TNRC18: variants seen among roughly 807,000 people sequenced by gnomAD.
The protein encoded by TNRC18 is trinucleotide repeat-containing gene 18 protein.
TNRC18 carries 69 observed loss-of-function variants against 226.7 expected under a neutral mutation model. The observed-to-expected ratio is 0.30, with a 90% CI of 0.25 to 0.37. The LOEUF (loss-of-function observed/expected upper bound fraction) is 0.37, where lower values mean the gene tolerates loss of function less well. TNRC18 is among the 10% of genes least tolerant of loss of function. TNRC18 has a pLI of 1.00. For missense variants in TNRC18, 4,754 were observed against 4,256.6 expected (o/e 1.12, Z -3.25); for synonymous variants, 2,449 against 1,927.6 (o/e 1.27, Z -7.09).
At position 5,394,899 on chromosome 7, in the gene TNRC18, C is replaced by T. The variant is rs1461621361; in HGVS notation, c.188-304G>A. On this transcript the variant is annotated intron_variant, in intron 2 of 29. Transcript: ENST00000430969. The surrounding 1 kb of genome is among the most constrained non-coding windows in gnomAD (Gnocchi z 4.5). ...GGAGGAGGGCCTTCCACCCCTGCCG[C>T]CCAACCAGCCCAGATCCGGCCCGGC... Among the ~76,000 whole-genome samples the T allele has an allele frequency of 6.6e-6, 1 of 152,184 alleles. No homozygotes were observed. Among genetic ancestry groups the T allele is most frequent in the Non-Finnish European group, 1.5e-5 (1 of 68,024 alleles).
At chr7:5,397,225 C>G (rs1216777736) in intron 2 of TNRC18, among the ~76,000 whole-genome samples, 1 of 152,216 alleles carries the variant, frequency 6.6e-6, no homozygotes, top group Non-Finnish European at 1.5e-5. Context: ...CTGCTGAGCC[C>G]CGGGCTTCCG....
rs370935485 is a variant in TNRC18 at position 5,308,089 on chromosome 7, C to T, written c.*17G>A. The T allele has an allele frequency of 5.2e-4, 809 of 1,543,806 alleles. No homozygotes were observed. The highest frequency in any genetic ancestry group is 6.6e-4 in the Non-Finnish European group (756 of 1,142,832). ...GGCCGCCCTCGGGGCACAGGTGGCC[C>T]GCAGGGCCCGGCGGGCTCAGCAGAG... On this transcript the variant is annotated 3_prime_UTR_variant, in exon 30 of 30. Coordinates refer to ENST00000430969, the MANE Select transcript of TNRC18 (RefSeq NM_001080495.3).
At position 5,355,673 on chromosome 7, in the gene TNRC18, C is replaced by A. The variant is rs182194669; in HGVS notation, c.5194+1243G>T. Reference sequence around the variant, plus strand: ...GGTTCAGAGGGGAGGATTGCTTGAGCCCAGGCACCAGCCTGGGAAACACTG... The same window carrying A: ...GGTTCAGAGGGGAGGATTGCTTGAGACCAGGCACCAGCCTGGGAAACACTG... On this transcript the variant is annotated intron_variant, in intron 16 of 29. Transcript: ENST00000430969. Among the ~76,000 whole-genome samples the A allele has an allele frequency of 2.6e-5, 4 of 152,198 alleles. No individual in the cohort carries two copies. In the East Asian group the frequency reaches 7.7e-4, roughly 29 times the overall value.
chr7:5,345,397 G>A lies in TNRC18; in HGVS notation c.5719+165C>T, dbSNP rs374869104. ...GAGATGGCAGGCCAGGGCCCCTGTC[G>A]CGAGCATCCCTGATCAGCACGGGGC... On this transcript the variant is annotated intron_variant, in intron 18 of 29. Transcript: ENST00000430969. 2.9e-3 allele frequency among the ~76,000 whole-genome samples: 444 copies of A among 152,308 alleles called. 1 individual carries two copies. The highest frequency in any genetic ancestry group is 0.01 in the African/African-American group (417 of 41,570).
At chr7:5,334,489 G>C (rs1789887307) in intron 18 of TNRC18, among the ~76,000 whole-genome samples, 1 of 151,328 alleles carries the variant, frequency 6.6e-6, no homozygotes, top group African/African-American at 2.4e-5. Flanking sequence ...AGTAGAGACG[G>C]GGTTTCACCG....
chr7:5,337,699 T>C (rs1291754976), intron 18 of TNRC18, among the ~76,000 whole-genome samples: 1 of 152,100 alleles, frequency 6.6e-6, no homozygotes, highest in African/African-American at 2.4e-5. Context: ...AAAACTAAGT[T>C]TGTGGTCGGG....
intron 2 of TNRC18, among the ~76,000 whole-genome samples, chr7:5,418,934 G>A (rs1011534619): frequency 2.6e-5 from 4 of 152,210 alleles, no homozygotes; most frequent in South Asian, 2.1e-4. Context: ...TCGAAGTGGG[G>A]GAGGGGGACA....
At chr7:5,395,679 C>T (rs73323819) in intron 2 of TNRC18, among the ~76,000 whole-genome samples, 2,510 of 152,324 alleles carry the variant, frequency 0.016, 84 homozygotes, top group African/African-American at 0.058. Context: ...GGGAAGGAAG[C>T]ATGTGTTTAA....
chr7:5,369,284 G>A (rs1007860723), intron 11 of TNRC18, among the ~76,000 whole-genome samples: 1 of 152,090 alleles, frequency 6.6e-6, no homozygotes, highest in Non-Finnish European at 1.5e-5. Context: ...GGAGGGCGGA[G>A]GCTGCAGTGA....
intron 18 of TNRC18, among the ~76,000 whole-genome samples, chr7:5,342,552 G>C (rs1790792559): frequency 6.6e-6 from 1 of 152,318 alleles, no homozygotes; most frequent in Admixed American, 6.5e-5. Context: ...ACTCAAGTTA[G>C]AGTGGAGCCT....
chr7:5,408,210 A>T (rs1022643112), intron 2 of TNRC18, among the ~76,000 whole-genome samples: 8 of 151,774 alleles, frequency 5.3e-5, no homozygotes, highest in Non-Finnish European at 1.2e-4. Context: ...GAGGCAGGGG[A>T]ATCTCTTGAA....
chr7:5,377,553 A>G lies in TNRC18; in HGVS notation c.2279T>C (p.Leu760Pro). The G allele has an allele frequency of 1.3e-6, 2 of 1,585,814 alleles. No individual in the cohort carries two copies. Among genetic ancestry groups the G allele is most frequent in the Non-Finnish European group, 1.7e-6 (2 of 1,166,410 alleles). Residue 760 changes from leucine (L) to proline (P), a missense_variant, in exon 7 of 30, where the codon CTG (leucine) becomes CCG (proline). Coordinates refer to ENST00000430969, the MANE Select transcript of TNRC18 (RefSeq NM_001080495.3). The surrounding 1 kb of genome is among the most constrained non-coding windows in gnomAD (Gnocchi z 5.8). ...LLRESKELAD[L>P]ARLHPTSCAP... Reference sequence around the variant, plus strand: ...ACAGCTGGTAGGGTGCAGGCGGGCCAGGTCAGCCAGCTCCTTACTCTCTCT... The same window carrying G: ...ACAGCTGGTAGGGTGCAGGCGGGCCGGGTCAGCCAGCTCCTTACTCTCTCT...
chr7:5,387,895 A>C lies in TNRC18; in HGVS notation c.1929T>G (p.Pro643=), dbSNP rs751526883. The part of the protein sequence containing the change: ...AQARLPHSGG[P]AAGGGRQLKR... ...TCAGCTGCCGGCCGCCGCCCGCTGC[A>C]GGGCCTCCGGAGTGTGGGAGACGGG... Residue 643 remains proline, a synonymous_variant, in exon 5 of 30, where the codon CCT becomes CCG. Coordinates refer to ENST00000430969, the MANE Select transcript of TNRC18 (RefSeq NM_001080495.3). The C allele has an allele frequency of 2.5e-6, 4 of 1,591,294 alleles. No homozygotes were observed. In the South Asian group the frequency reaches 4.5e-5, roughly 18 times the overall value.
chr7:5,356,756 T>C (rs1190628696), intron 16 of TNRC18, among the ~76,000 whole-genome samples, 160 bp downstream of exon 16: 3 of 151,330 alleles, frequency 2.0e-5, no homozygotes, highest in Non-Finnish European at 1.5e-5. Context: ...CACTTCCGGC[T>C]TGGAGGCCAT....
At chr7:5,357,577 G>A (rs918554167) in intron 15 of TNRC18, among the ~76,000 whole-genome samples, 1 of 152,142 alleles carries the variant, frequency 6.6e-6, no homozygotes. Context: ...CTCGACCTCT[G>A]GGCTCTGTGA....
Position 5,394,478 on chromosome 7 carries a change from AGGTTGCTAG to A in TNRC18, c.296_304del (p.Pro99_Asn101del). 6.4e-7 allele frequency: 1 copy of A among 1,559,632 alleles called. No individual in the cohort carries two copies. The highest frequency in any genetic ancestry group is 8.7e-7 in the Non-Finnish European group (1 of 1,153,290). On this transcript the variant is annotated inframe_deletion, in exon 3 of 30. Coordinates refer to ENST00000430969, the MANE Select transcript of TNRC18 (RefSeq NM_001080495.3). This position sits in a 1 kb window ranked among gnomAD's most constrained non-coding sequence, Gnocchi z 4.5. ...GGCGGCCCACAGCTGCACCATGGGC[AGGTTGCTAG>A]GGGTTGGGGAGCGGAAAGACAGGTC... is the stretch of plus-strand genomic sequence containing the variant.
rs2128100284 is a variant in TNRC18, at chr7:5,309,625, C to T, written c.8389-257G>A. On this transcript the variant is annotated intron_variant, in intron 27 of 29. Transcript: ENST00000430969. This position sits in a 1 kb window ranked among gnomAD's most constrained non-coding sequence, Gnocchi z 5.7. ...GCTACAAGACTTCTTATTTTTGAGA[C>T]AGGGTCTCCCTCTGTTGCCCAGGCT... 6.6e-6 allele frequency among the ~76,000 whole-genome samples: 1 copy of T among 152,390 alleles called. No homozygotes were observed. The highest frequency in any genetic ancestry group is 1.9e-4 in the East Asian group (1 of 5,184).
At chr7:5,385,494 C>CAAAAAAAAAAAAA (rs60919833) in intron 5 of TNRC18, among the ~76,000 whole-genome samples, 5 of 88,090 alleles carry the variant, frequency 5.7e-5, no homozygotes, top group Non-Finnish European at 9.5e-5. Context: ...GACTCCGTCT[C>CAAAAAAAAAAAAA]AAAAAAAAAA....
Position 5,307,780 on chromosome 7 carries a change from A to AGCAGCC in TNRC18, c.*320_*325dup. ...GGGGGCACCCGGGCCCCCACGCAGC[A>AGCAGCC]GCAGCCTGGAGGGCCGGCCTGGCCA... On this transcript the variant is annotated 3_prime_UTR_variant, in exon 30 of 30. Transcript: ENST00000430969. The AGCAGCC allele has an allele frequency of 2.5e-6, 1 of 403,670 alleles. No individual in the cohort carries two copies. Among genetic ancestry groups the AGCAGCC allele is most frequent in the East Asian group, 5.4e-5 (1 of 18,686 alleles). The allele number at this position is 403,670 out of a possible 1,614,324, so 25.0% of individuals were successfully genotyped here. A position where few individuals can be genotyped will look rare whatever the true frequency, so the allele number is the denominator to read the frequency against.
Sources: allele counts gnomAD v4.1 joint callset (sites outside exome capture counted in the v4.1 genomes callset), GRCh38; gene constraint gnomAD v4.1.1; non-coding constraint Gnocchi (gnomAD v3.1); transcripts MANE v1.5; gene names NCBI Gene and HGNC (gene_info 2026-07-23, HGNC 2026-07-21).